NBAS: variants seen among roughly 807,000 people sequenced by gnomAD.
NBAS encodes the protein NAG/BC035112 fusion.
In NBAS, 219 loss-of-function variants were observed where a neutral mutation model predicts 302.5. The ratio of observed to expected loss-of-function variants is 0.72; its 90% CI spans 0.65 to 0.81. NBAS has a LOEUF of 0.81. Ranked by LOEUF, NBAS falls within the 30% of genes least tolerant of loss-of-function variation. The pLI is 0.00. For synonymous variants in NBAS, 1,118 were observed against 1,021.6 expected (o/e 1.09, Z -1.80); for missense variants, 2,932 against 2,841.6 (o/e 1.03, Z -0.72).
chr2:14,928,458 A>T, the NBAS span, among the ~76,000 whole-genome samples: 1 of 152,240 alleles, frequency 6.6e-6, no homozygotes, highest in Non-Finnish European at 1.5e-5. Context: ...GGTAGAAAAC[A>T]CAAGAAAAAA....
At chr2:15,446,068 A>G (rs1211754996) in intron 21 of NBAS, among the ~76,000 whole-genome samples, 1 of 151,952 alleles carries the variant, frequency 6.6e-6, no homozygotes, top group African/African-American at 2.4e-5. Flanking sequence ...GTCAACATAC[A>G]TATAATAGGA....
At chr2:14,972,626 C>T in the NBAS span, among the ~76,000 whole-genome samples, 109 of 152,272 alleles carry the variant, frequency 7.2e-4, no homozygotes, top group African/African-American at 2.0e-3. Context: ...AGAAGTTAGA[C>T]GACTTTCTAA....
At chr2:14,848,127 C>T in the NBAS span, among the ~76,000 whole-genome samples, 335 of 151,986 alleles carry the variant, frequency 2.2e-3, no homozygotes, top group Admixed American at 3.1e-3. Context: ...GCGTGAGCGA[C>T]GCAGAAGACG....
intron 38 of NBAS, among the ~76,000 whole-genome samples, chr2:15,316,149 G>A (rs565926705): frequency 2.8e-4 from 42 of 152,294 alleles, no homozygotes; most frequent in Non-Finnish European, 4.9e-4. Context: ...CAGTGTGCAC[G>A]AATTTAATTT....
At chr2:14,829,761 G>GCTTA in the NBAS span, among the ~76,000 whole-genome samples, 1 of 152,142 alleles carries the variant, frequency 6.6e-6, no homozygotes, top group Admixed American at 6.5e-5. Context: ...TTGCCACAAG[G>GCTTA]CTTACCTGGC....
rs190911611 is a variant in NBAS, at chr2:15,520,081, T to A, written c.747-8731A>T. ...AGTGGTACTCGGCTATAATTTTTTT[T>A]AAATACAATTTAGAGTTTAAAATCA... On this transcript the variant is annotated intron_variant, in intron 9 of 51. Transcript: ENST00000281513. 3.3e-3 allele frequency among the ~76,000 whole-genome samples: 500 copies of A among 152,280 alleles called. 2 individuals carry two copies. The highest frequency in any genetic ancestry group is 0.012 in the African/African-American group (488 of 41,554).
the NBAS span, among the ~76,000 whole-genome samples, chr2:14,957,773 C>A: frequency 6.6e-6 from 1 of 152,196 alleles, no homozygotes; most frequent in African/African-American, 2.4e-5. Flanking sequence ...CAGCCCCCTG[C>A]ACCTGTCTCA....
At chr2:14,863,840 T>C in the NBAS span, among the ~76,000 whole-genome samples, 1 of 152,234 alleles carries the variant, frequency 6.6e-6, no homozygotes, top group African/African-American at 2.4e-5. Flanking sequence ...AAAAGCTTAC[T>C]ACCTTCCTGC....
intron 11 of NBAS, among the ~76,000 whole-genome samples, chr2:15,489,598 T>C (rs780583583): frequency 2.0e-5 from 3 of 152,194 alleles, no homozygotes; most frequent in Non-Finnish European, 4.4e-5. Context: ...ATTTTCTAGA[T>C]TTGCTGCCAA....
At chr2:14,959,823 C>T in the NBAS span, among the ~76,000 whole-genome samples, 2 of 152,296 alleles carry the variant, frequency 1.3e-5, no homozygotes, top group Admixed American at 1.3e-4. Flanking sequence ...AAGCATTCCC[C>T]GTCTCCCCCA....
In NBAS at chr2:15,415,617, C is replaced by A. The variant is rs1400901127; in HGVS notation, c.2866G>T (p.Glu956Ter). Residue 956 changes from glutamate (E) to a stop codon, truncating the protein, a stop_gained, in exon 25 of 52, where the codon GAA becomes TAA. Transcript: ENST00000281513. LOFTEE classifies it high-confidence loss of function. ...CCTTTAGCTAAAGTTACTAAATATT[C>A]TTTTAATAGCTCATTAGCCACACCA... ...SPGVANELLK[E>*]YLVTLAKGDL... The A allele has an allele frequency of 6.2e-7, 1 of 1,613,846 alleles. No individual in the cohort carries two copies. The highest frequency in any genetic ancestry group is 8.5e-7 in the Non-Finnish European group (1 of 1,179,898).
the NBAS span, among the ~76,000 whole-genome samples, chr2:14,956,928 T>C: frequency 6.6e-6 from 1 of 152,192 alleles, no homozygotes; most frequent in African/African-American, 2.4e-5. Context: ...CAAAGTGATC[T>C]TATTTGCAGA....
intron 38 of NBAS, among the ~76,000 whole-genome samples, chr2:15,314,299 T>G (rs1427038562): frequency 6.6e-6 from 1 of 152,158 alleles, no homozygotes; most frequent in African/African-American, 2.4e-5. Flanking sequence ...GAGACTGCAG[T>G]GCGCCAAGAC....
chr2:15,491,654 T>C (rs1680860458), intron 11 of NBAS, among the ~76,000 whole-genome samples: 1 of 151,152 alleles, frequency 6.6e-6, no homozygotes, highest in Non-Finnish European at 1.5e-5. Context: ...GTGAATGGCG[T>C]GAACCAAGGA....
the NBAS span, among the ~76,000 whole-genome samples, chr2:15,123,697 C>G: frequency 6.6e-6 from 1 of 152,154 alleles, no homozygotes; most frequent in Non-Finnish European, 1.5e-5. Flanking sequence ...TCCCTGTTGC[C>G]TTCTACTATA....
intron 16 of NBAS, 72 bp from the exon 17 acceptor site, chr2:15,468,605 G>A (rs2148574775): frequency 6.6e-7 from 1 of 1,524,678 alleles, no homozygotes; most frequent in Non-Finnish European, 9.1e-7. Context: ...ACTGCCTTCA[G>A]AATTGTAAAG....
chr2:15,539,705 G>C (rs1191070728), intron 6 of NBAS, among the ~76,000 whole-genome samples: 1 of 152,146 alleles, frequency 6.6e-6, no homozygotes, highest in Non-Finnish European at 1.5e-5. Context: ...AGAATGGGTA[G>C]ACAATAATTC....
At chr2:15,510,034 G>T (rs1335256654) in intron 10 of NBAS, among the ~76,000 whole-genome samples, 2 of 152,202 alleles carry the variant, frequency 1.3e-5, no homozygotes, top group Admixed American at 1.3e-4. Flanking sequence ...ATTTTTAGTA[G>T]AGACGGGGTT....
the NBAS span, among the ~76,000 whole-genome samples, chr2:14,842,592 C>A: frequency 3.3e-5 from 5 of 151,876 alleles, no homozygotes; most frequent in African/African-American, 1.2e-4. Context: ...AATTACTGGA[C>A]ATACACAATC....
Sources: allele counts gnomAD v4.1 joint callset (sites outside exome capture counted in the v4.1 genomes callset), GRCh38; gene constraint gnomAD v4.1.1; transcripts MANE v1.5; gene names NCBI Gene and HGNC (gene_info 2026-07-23, HGNC 2026-07-21).